The following PRKCB variants were observed in gnomAD, a reference collection of about 807,000 sequenced individuals.
The protein encoded by PRKCB is protein kinase C beta.
A neutral mutation model predicts 81.5 loss-of-function variants in PRKCB; 13 were observed. The ratio of observed to expected loss-of-function variants is 0.16; its 90% CI spans 0.10 to 0.25. PRKCB has a LOEUF of 0.25. Among genes scored for constraint, PRKCB ranks in the 10% least tolerant of loss-of-function variants. The pLI is 1.00. For missense variants in PRKCB, 509 were observed against 875.7 expected (o/e 0.58, Z 5.29); for synonymous variants, 335 against 321.4 (o/e 1.04, Z -0.45).
At chr16:23,865,583 A>C (rs1193669554) in intron 2 of PRKCB, among the ~76,000 whole-genome samples, 1 of 132,942 alleles carries the variant, frequency 7.5e-6, no homozygotes, top group East Asian at 2.1e-4. Flanking sequence ...ATGTATATTT[A>C]AATTTTTATA....
chr16:23,842,349 A>G (rs2141075059), intron 2 of PRKCB, among the ~76,000 whole-genome samples: 1 of 152,374 alleles, frequency 6.6e-6, no homozygotes, highest in South Asian at 2.1e-4. Context: ...CACAGCAAGT[A>G]TCAATGACTC....
intron 2 of PRKCB, among the ~76,000 whole-genome samples, chr16:23,874,158 A>G (rs1196422971): frequency 6.6e-6 from 1 of 152,206 alleles, no homozygotes; most frequent in Non-Finnish European, 1.5e-5. Context: ...TTCATTAACA[A>G]TGTCTGTCTT....
chr16:23,951,778 C>T (rs763628774), intron 2 of PRKCB, among the ~76,000 whole-genome samples: 3 of 151,618 alleles, frequency 2.0e-5, no homozygotes, highest in South Asian at 2.1e-4. Flanking sequence ...GATGCCAATC[C>T]GTGATTTAGT....
At position 24,220,246 on chromosome 16, in the gene PRKCB, T is replaced by C; in HGVS notation, c.*5430T>C. ...GTGGAAAGCTTGTCTTAGAGGGCTT[T>C]TCTTTGTATGTGTAGCTTGCTAGTT... is the stretch of plus-strand genomic sequence containing the variant. On this transcript the variant is annotated 3_prime_UTR_variant, in exon 17 of 17. Transcript: ENST00000643927. 1 of 1,095,840 alleles carries C rather than the reference T, an allele frequency of 9.1e-7. No homozygotes were observed. Among genetic ancestry groups the C allele is most frequent in the Non-Finnish European group, 1.3e-6 (1 of 769,826 alleles). 67.9% of individuals were successfully genotyped at this position (1,095,840 alleles called of 1,614,324 possible). A position where few individuals can be genotyped will look rare whatever the true frequency, so the allele number is the denominator to read the frequency against.
intron 5 of PRKCB, among the ~76,000 whole-genome samples, chr16:24,088,013 C>G (rs565500450): frequency 6.6e-6 from 1 of 152,346 alleles, no homozygotes; most frequent in Admixed American, 6.5e-5. Context: ...TTGGTACCAT[C>G]TGGGCTGGCT....
chr16:24,193,595 G>A (rs1967832645), intron 16 of PRKCB, among the ~76,000 whole-genome samples: 1 of 152,092 alleles, frequency 6.6e-6, no homozygotes, highest in East Asian at 1.9e-4. Flanking sequence ...GATTACAGGT[G>A]TGAGCCACTG....
intron 2 of PRKCB, among the ~76,000 whole-genome samples, chr16:23,911,118 C>CGTATA (rs1963644115): frequency 2.0e-5 from 1 of 51,102 alleles, no homozygotes; most frequent in Non-Finnish European, 4.2e-5. Flanking sequence ...TAGCCATAAA[C>CGTATA]GTATATATGC....
intron 9 of PRKCB, among the ~76,000 whole-genome samples, chr16:24,147,534 G>A (rs1967013551): frequency 6.6e-6 from 1 of 152,172 alleles, no homozygotes; most frequent in African/African-American, 2.4e-5. Context: ...AATGTTAGTG[G>A]TTGTATAAGA....
chr16:24,090,374 A>T (rs1046859761), intron 5 of PRKCB, among the ~76,000 whole-genome samples: 6 of 152,206 alleles, frequency 3.9e-5, no homozygotes, highest in Non-Finnish European at 1.5e-5. Flanking sequence ...ACCCCTTACT[A>T]GCTGTATCAT....
At position 24,009,018 on chromosome 16, in the gene PRKCB, T is replaced by C. The variant is rs374433145; in HGVS notation, c.288+20428T>C. ...CTCAGGGTTCATCTATGTTGTCTCA[T>C]TGCAGAACTTCCTTCTTTTTGGGGG... On this transcript the variant is annotated intron_variant, in intron 3 of 16. Transcript: ENST00000643927. Among the ~76,000 whole-genome samples the C allele has an allele frequency of 7.2e-5, 11 of 152,320 alleles. 1 individual carries two copies. The East Asian group carries it at 2.1e-3, about 29-fold the overall frequency.
chr16:24,035,527 G>A lies in PRKCB; in HGVS notation c.509G>A (p.Arg170Lys). The stretch of plus-strand genomic sequence containing the variant: ...ATCTACATCCAGGCCCACATCGACA[G>A]GGACGTCCTCATTGTCCTCGGTAGG... Reference protein sequence around the residue: ...GRIYIQAHIDRDVLIVLVRDA... With the variant: ...GRIYIQAHIDKDVLIVLVRDA... The change falls in exon 5 of 17, where the codon AGG (arginine) becomes AAG (lysine). Residue 170 changes from arginine to lysine, a missense_variant. Arg to Lys is a conservative substitution (Grantham distance 26). Transcript: ENST00000643927. 1 of 1,614,052 alleles carries A rather than the reference G, an allele frequency of 6.2e-7. No individual in the cohort carries two copies. Among genetic ancestry groups the A allele is most frequent in the Non-Finnish European group, 8.5e-7 (1 of 1,179,984 alleles).
chr16:23,927,817 G>T (rs1322058554), intron 2 of PRKCB, among the ~76,000 whole-genome samples: 1 of 152,104 alleles, frequency 6.6e-6, no homozygotes, highest in East Asian at 1.9e-4. Context: ...CATGGGAGGA[G>T]GAACATGTTT....
At chr16:24,104,450 T>A (rs774383586) in intron 7 of PRKCB, among the ~76,000 whole-genome samples, 1 of 152,216 alleles carries the variant, frequency 6.6e-6, no homozygotes, top group Non-Finnish European at 1.5e-5. Context: ...TGGAGTTTTC[T>A]TTTTAGTTGA....
rs991952336 is a variant in PRKCB, at chr16:24,138,845, C to CTTTTT, written c.1065+14885_1065+14889dup. ...ATATGTGAGATCATACAGTATTTGT[C>CTTTTT]TTTTTTTTTTTTTTTTTTTTTTTTT... On this transcript the variant is annotated intron_variant, in intron 9 of 16. Transcript: ENST00000643927. Among the ~76,000 whole-genome samples the CTTTTT allele has an allele frequency of 8.8e-4, 69 of 78,842 alleles. 2 individuals are homozygous for CTTTTT. The highest frequency in any genetic ancestry group is 2.7e-3 in the African/African-American group (50 of 18,770). 51.7% of individuals were successfully genotyped at this position (78,842 alleles called of 152,430 possible).
chr16:23,840,553 T>A (rs934923198), intron 2 of PRKCB, among the ~76,000 whole-genome samples: 1 of 152,156 alleles, frequency 6.6e-6, no homozygotes, highest in Non-Finnish European at 1.5e-5. Flanking sequence ...TGAGGGAGCA[T>A]GTGGGAAATG....
At chr16:24,173,983 C>T (rs1185654069) in intron 11 of PRKCB, among the ~76,000 whole-genome samples, 2 of 151,738 alleles carry the variant, frequency 1.3e-5, no homozygotes, top group Non-Finnish European at 2.9e-5. Context: ...ATTTAACTTG[C>T]TATATAGTCT....
intron 2 of PRKCB, among the ~76,000 whole-genome samples, chr16:23,928,159 C>G (rs541443368): frequency 6.6e-6 from 1 of 152,088 alleles, no homozygotes; most frequent in East Asian, 1.9e-4. Flanking sequence ...GTGTTTCACT[C>G]TTGTTGCCCA....
chr16:24,014,189 C>G (rs949274735), intron 3 of PRKCB, among the ~76,000 whole-genome samples: 4 of 151,996 alleles, frequency 2.6e-5, no homozygotes, highest in Non-Finnish European at 5.9e-5. Context: ...ATGTTGTGAT[C>G]TTGCATTTAC....
intron 2 of PRKCB, among the ~76,000 whole-genome samples, chr16:23,855,472 A>G (rs1348757673): frequency 6.6e-6 from 1 of 152,216 alleles, no homozygotes; most frequent in Non-Finnish European, 1.5e-5. Flanking sequence ...AATGAAAACA[A>G]AAATCATGTG....
Sources: allele counts gnomAD v4.1 joint callset (sites outside exome capture counted in the v4.1 genomes callset), GRCh38; gene constraint gnomAD v4.1.1; transcripts MANE v1.5; gene names NCBI Gene and HGNC (gene_info 2026-07-23, HGNC 2026-07-21).